The following DPYD variants were observed in gnomAD, a reference collection of about 807,000 sequenced individuals.
DPYD encodes the protein dihydropyrimidine dehydrogenase, also known as dihydropyrimidine dehydrogenase [NADP(+)].
DPYD carries 109 observed loss-of-function variants against 116.2 expected under a neutral mutation model. The ratio of observed to expected loss-of-function variants is 0.94; its 90% CI spans 0.80 to 1.10. The LOEUF is 1.10. DPYD is among the 50% of genes least tolerant of loss of function. The probability of loss-of-function intolerance (pLI) is 0.00; values close to 1 mark genes in which losing one functional copy is unlikely to be tolerated. For missense variants in DPYD, 1,302 were observed against 1,254.5 expected (o/e 1.04, Z -0.57); for synonymous variants, 440 against 432.0 (o/e 1.02, Z -0.23).
At chr1:97,893,428 G>A (rs1269041413) in intron 1 of DPYD, among the ~76,000 whole-genome samples, 6 of 14,734 alleles carry the variant, frequency 4.1e-4, no homozygotes, top group Non-Finnish European at 6.8e-4. Context: ...AATATCCATC[G>A]CATATATATA....
intron 12 of DPYD, among the ~76,000 whole-genome samples, chr1:97,525,239 T>C (rs1319332867): frequency 6.6e-6 from 1 of 152,168 alleles, no homozygotes; most frequent in Non-Finnish European, 1.5e-5. Context: ...ACTCAACATT[T>C]ATGGTGAGTG....
chr1:97,399,608 T>C (rs765289196), intron 14 of DPYD, among the ~76,000 whole-genome samples: 46 of 152,268 alleles, frequency 3.0e-4, no homozygotes, highest in Non-Finnish European at 5.0e-4. Context: ...TTTGTTTGTA[T>C]CCTCTTTTAT....
intron 12 of DPYD, among the ~76,000 whole-genome samples, chr1:97,544,849 ACTTTTTCAAAT>A (rs1453523631): frequency 3.9e-5 from 6 of 152,158 alleles, no homozygotes; most frequent in Non-Finnish European, 7.4e-5. Flanking sequence ...GTTCAATTTT[ACTTTTTCAAAT>A]CTTTTTAGCT....
intron 20 of DPYD, among the ~76,000 whole-genome samples, chr1:97,122,140 C>A (rs191819950): frequency 9.2e-5 from 14 of 152,220 alleles, no homozygotes; most frequent in Admixed American, 7.2e-4. Flanking sequence ...TAGCAATTAG[C>A]CTCATGTAGC....
intron 1 of DPYD, among the ~76,000 whole-genome samples, chr1:97,907,832 A>C (rs1673718679): frequency 6.6e-6 from 1 of 151,882 alleles, no homozygotes; most frequent in Admixed American, 6.6e-5. Context: ...AATTACACAA[A>C]CTTAGTGGCT....
chr1:97,820,475 C>T (rs1284787715), intron 3 of DPYD, among the ~76,000 whole-genome samples: 1 of 152,132 alleles, frequency 6.6e-6, no homozygotes, highest in Non-Finnish European at 1.5e-5. Context: ...CCTTTTGACT[C>T]AAATAATATT....
chr1:97,828,025 T>C (rs1337139705), intron 3 of DPYD, 89 bp downstream of exon 3: 6 of 1,205,472 alleles, frequency 5.0e-6, no homozygotes, highest in Non-Finnish European at 1.2e-6. Flanking sequence ...AGCTGAATGG[T>C]GGCAATGAAC....
At chr1:97,690,446 A>G (rs1395486037) in intron 7 of DPYD, among the ~76,000 whole-genome samples, 1 of 151,848 alleles carries the variant, frequency 6.6e-6, no homozygotes, top group Non-Finnish European at 1.5e-5. Context: ...TTTTTTATTA[A>G]TATATAATAA....
At chr1:97,169,610 T>C (rs1470296382) in intron 20 of DPYD, among the ~76,000 whole-genome samples, 1 of 151,298 alleles carries the variant, frequency 6.6e-6, no homozygotes, top group Non-Finnish European at 1.5e-5. Flanking sequence ...AATGGTGCGA[T>C]CTCAGCTCAC....
intron 20 of DPYD, among the ~76,000 whole-genome samples, chr1:97,117,160 T>TA (rs59948084): frequency 0.16 from 24,057 of 147,626 alleles, 2,277 homozygotes; most frequent in East Asian, 0.36. Context: ...CAGGACTCCA[T>TA]AAAAAAAAAA....
intron 14 of DPYD, among the ~76,000 whole-genome samples, chr1:97,430,225 G>A (rs545671534): frequency 9.9e-5 from 15 of 152,206 alleles, no homozygotes; most frequent in African/African-American, 3.6e-4. Flanking sequence ...CGCAGGAGAT[G>A]TGTAGTAGTT....
intron 20 of DPYD, among the ~76,000 whole-genome samples, chr1:97,146,021 C>T (rs1484377073): frequency 6.6e-6 from 1 of 152,106 alleles, no homozygotes; most frequent in Non-Finnish European, 1.5e-5. Flanking sequence ...TCCCAATGAT[C>T]CTAAGCCTTA....
intron 13 of DPYD, among the ~76,000 whole-genome samples, chr1:97,453,964 A>AT (rs202125346): frequency 0.017 from 2,591 of 152,138 alleles, 38 homozygotes; most frequent in Non-Finnish European, 0.026. Flanking sequence ...TCATTCCTTA[A>AT]TTCAACCAAA....
chr1:97,697,436 G>A (rs753945380), intron 6 of DPYD, among the ~76,000 whole-genome samples: 128 of 152,030 alleles, frequency 8.4e-4, no homozygotes, highest in Non-Finnish European at 1.5e-3. Flanking sequence ...AGAGGCAGCC[G>A]TAAGTAGAAA....
At chr1:97,131,653 A>G (rs1188480988) in intron 20 of DPYD, among the ~76,000 whole-genome samples, 1 of 152,172 alleles carries the variant, frequency 6.6e-6, no homozygotes, top group Non-Finnish European at 1.5e-5. Flanking sequence ...AAACCTGAGC[A>G]CAAACGTCAG....
chr1:97,625,231 A>G (rs953388446), intron 8 of DPYD, among the ~76,000 whole-genome samples: 3 of 152,104 alleles, frequency 2.0e-5, no homozygotes, highest in African/African-American at 7.2e-5. Context: ...AATGTATACA[A>G]TTATAACTGT....
At chr1:97,835,972 C>T (rs1418016009) in intron 2 of DPYD, among the ~76,000 whole-genome samples, 2 of 152,096 alleles carry the variant, frequency 1.3e-5, no homozygotes, top group Non-Finnish European at 2.9e-5. Flanking sequence ...TAATTACCAC[C>T]ACAGGGAAAC....
chr1:97,100,699 A>AT (rs774147385), intron 20 of DPYD, among the ~76,000 whole-genome samples: 1 of 152,062 alleles, frequency 6.6e-6, no homozygotes, highest in Non-Finnish European at 1.5e-5. Flanking sequence ...AGGATAGTAT[A>AT]TTTTTTCATT....
At chr1:97,152,327 T>C (rs1655083745) in intron 20 of DPYD, among the ~76,000 whole-genome samples, 1 of 152,122 alleles carries the variant, frequency 6.6e-6, no homozygotes, top group African/African-American at 2.4e-5. Context: ...GGTTATTTTG[T>C]ATTCTGTGGA....
Sources: gnomAD v4.1 joint callset for allele counts (sites outside exome capture counted in the v4.1 genomes callset) on GRCh38, gnomAD v4.1.1 for gene constraint, MANE v1.5 for transcripts, NCBI Gene and HGNC (gene_info 2026-07-23, HGNC 2026-07-21) for gene names.